The following PRELID2 variants were observed in gnomAD, a reference collection of about 807,000 sequenced individuals.
PRELID2 encodes PRELI domain-containing protein 2.
A neutral mutation model predicts 28.4 loss-of-function variants in PRELID2; 25 were observed. The observed-to-expected ratio is 0.88, with a 90% CI of 0.64 to 1.23. The LOEUF (loss-of-function observed/expected upper bound fraction) is 1.23. Among genes scored for constraint, PRELID2 ranks in the 50% most tolerant of loss-of-function variants. PRELID2 has a pLI of 0.00. For missense variants in PRELID2, 201 were observed against 214.4 expected (o/e 0.94, Z 0.39); for synonymous variants, 76 against 71.6 (o/e 1.06, Z -0.31).
chr5:145,415,470 C>T, the PRELID2 span, among the ~76,000 whole-genome samples: 2 of 147,034 alleles, frequency 1.4e-5, no homozygotes, highest in Non-Finnish European at 3.0e-5. Context: ...GTGATGTTCC[C>T]CTTCCTGTGT....
chr5:145,606,112 GT>G (rs1434067540), intron 1 of PRELID2, among the ~76,000 whole-genome samples: 12 of 151,990 alleles, frequency 7.9e-5, no homozygotes, highest in African/African-American at 2.7e-4. Flanking sequence ...TTTGAACATT[GT>G]TTTTGCATCC....
At chr5:145,267,921 T>G in the PRELID2 span, among the ~76,000 whole-genome samples, 12 of 152,298 alleles carry the variant, frequency 7.9e-5, no homozygotes, top group Admixed American at 2.6e-4. Flanking sequence ...TAAGCACATT[T>G]TAATATAACT....
At chr5:145,555,190 G>A (rs1458121240) in intron 1 of PRELID2, among the ~76,000 whole-genome samples, 2 of 152,220 alleles carry the variant, frequency 1.3e-5, no homozygotes, top group Admixed American at 1.3e-4. Flanking sequence ...CCATCAAAGT[G>A]TGATCCATGA....
intron 5 of PRELID2, among the ~76,000 whole-genome samples, chr5:145,787,709 GT>G (rs1752090305): frequency 6.6e-6 from 1 of 151,878 alleles, no homozygotes; most frequent in African/African-American, 2.4e-5. Flanking sequence ...CCAGATAATT[GT>G]TTTGGTTTTC....
intron 1 of PRELID2, among the ~76,000 whole-genome samples, chr5:145,688,132 G>A (rs934217435): frequency 1.3e-5 from 2 of 152,170 alleles, no homozygotes; most frequent in African/African-American, 2.4e-5. Flanking sequence ...AGCTGCTGTG[G>A]GTGATGGGAA....
the PRELID2 span, among the ~76,000 whole-genome samples, chr5:145,340,834 A>C: frequency 6.8e-6 from 1 of 147,206 alleles, no homozygotes; most frequent in East Asian, 2.1e-4. Flanking sequence ...GTGCCAGTGT[A>C]AGCTGCTCTG....
the PRELID2 span, among the ~76,000 whole-genome samples, chr5:145,354,326 C>A: frequency 2.0e-5 from 3 of 152,148 alleles, no homozygotes; most frequent in Non-Finnish European, 2.9e-5. Context: ...AAAGGTTGCC[C>A]CATTCTATGT....
At chr5:145,254,891 G>T in the PRELID2 span, among the ~76,000 whole-genome samples, 1 of 150,176 alleles carries the variant, frequency 6.7e-6, no homozygotes, top group Non-Finnish European at 1.5e-5. Context: ...ATTCCTCCTA[G>T]GTAGTCAGAA....
chr5:145,371,867 G>A, the PRELID2 span, among the ~76,000 whole-genome samples: 3 of 134,990 alleles, frequency 2.2e-5, no homozygotes, highest in African/African-American at 8.5e-5. Context: ...AGTCTAGCTA[G>A]TGGTCTATTT....
the PRELID2 span, among the ~76,000 whole-genome samples, chr5:145,309,513 C>T: frequency 2.6e-5 from 4 of 152,060 alleles, no homozygotes; most frequent in East Asian, 1.9e-4. Flanking sequence ...ACTTTGGGAG[C>T]CAGTTGTACC....
chr5:145,447,551 A>G, the PRELID2 span, among the ~76,000 whole-genome samples: 1 of 134,432 alleles, frequency 7.4e-6, no homozygotes, highest in African/African-American at 2.8e-5. Flanking sequence ...TACATGTGCC[A>G]TGCTGGTGCG....
the PRELID2 span, among the ~76,000 whole-genome samples, chr5:145,268,563 T>A: frequency 6.6e-6 from 1 of 152,180 alleles, no homozygotes; most frequent in Non-Finnish European, 1.5e-5. Flanking sequence ...ATTCATTGCC[T>A]TGAATTTCTT....
chr5:145,794,937 C>T (rs1407891558), intron 5 of PRELID2: 1 of 151,968 alleles, frequency 6.6e-6, no homozygotes, highest in Admixed American at 6.6e-5. Flanking sequence ...ATTTATATGG[C>T]CTGCAAGAAT....
At chr5:145,747,244 C>T (rs996120691) in intron 1 of PRELID2, among the ~76,000 whole-genome samples, 1 of 148,104 alleles carries the variant, frequency 6.8e-6, no homozygotes, top group East Asian at 2.0e-4. Context: ...TCGATGACTC[C>T]AGGAGCTGTT....
chr5:145,444,435 AC>A, the PRELID2 span, among the ~76,000 whole-genome samples: 1 of 151,936 alleles, frequency 6.6e-6, no homozygotes, highest in Admixed American at 6.6e-5. Flanking sequence ...TTACCCTCTA[AC>A]AGTTATAAGT....
intron 1 of PRELID2, among the ~76,000 whole-genome samples, chr5:145,543,544 A>G (rs950082727): frequency 1.3e-5 from 2 of 152,032 alleles, no homozygotes; most frequent in Non-Finnish European, 2.9e-5. Context: ...GTCTTATTCA[A>G]ATTTAAGTGA....
intron 1 of PRELID2, among the ~76,000 whole-genome samples, chr5:145,600,420 G>GAAAAAAA (rs35455268): frequency 3.2e-5 from 4 of 124,176 alleles, no homozygotes; most frequent in African/African-American, 1.5e-4. Flanking sequence ...CTCAGGGGGG[G>GAAAAAAA]AAAAAAAAAA....
chr5:145,559,116 G>A (rs954476042), intron 1 of PRELID2, among the ~76,000 whole-genome samples: 3 of 152,036 alleles, frequency 2.0e-5, no homozygotes, highest in Admixed American at 6.6e-5. Context: ...TTAGCCGGGC[G>A]TAGTGGCAGG....
intron 1 of PRELID2, among the ~76,000 whole-genome samples, chr5:145,681,033 A>G (rs1352170563): frequency 2.6e-5 from 4 of 152,200 alleles, no homozygotes; most frequent in Admixed American, 6.5e-5. Context: ...AATGAACCCC[A>G]CAGCTGGGGT....
Sources: gnomAD v4.1 joint callset for allele counts (sites outside exome capture counted in the v4.1 genomes callset) on GRCh38, gnomAD v4.1.1 for gene constraint, MANE v1.5 for transcripts, NCBI Gene and HGNC (gene_info 2026-07-23, HGNC 2026-07-21) for gene names.